The following PRPF19 variants were observed in gnomAD, a reference collection of about 807,000 sequenced individuals.
The protein encoded by PRPF19 is pre-mRNA processing factor 19.
A neutral mutation model predicts 64.2 loss-of-function variants in PRPF19; 2 were observed. The ratio of observed to expected loss-of-function variants is 0.03; its 90% CI spans 0.01 to 0.10. The LOEUF is 0.10. PRPF19 is among the 10% of genes least tolerant of loss of function. The pLI is 1.00. For synonymous variants in PRPF19, 226 were observed against 251.6 expected (o/e 0.90, Z 0.96); for missense variants, 314 against 650.0 (o/e 0.48, Z 5.62).
In PRPF19 at chr11:60,902,711, G is replaced by C. The variant is rs751693883; in HGVS notation, c.388+29C>G. 2 of 1,614,228 alleles carry C rather than the reference G, an allele frequency of 1.2e-6. No individual in the cohort carries two copies. The highest frequency in any genetic ancestry group is 1.7e-6 in the Non-Finnish European group (2 of 1,180,046). ...ATATTACAATGCAGAACCAGCCCAG[G>C]GTGGGGGATGGCAGGGGAGAGGCTG... is the stretch of plus-strand genomic sequence containing the variant. On this transcript the variant is annotated intron_variant, in intron 4 of 15. Coordinates refer to ENST00000227524, the MANE Select transcript of PRPF19 (RefSeq NM_014502.5). The surrounding 1 kb of genome is among the most constrained non-coding windows in gnomAD (Gnocchi z 5.0).
At chr11:60,903,293 C>A (rs1671147849) in intron 3 of PRPF19, among the ~76,000 whole-genome samples, 166 bp downstream of exon 3, 1 of 152,182 alleles carries the variant, frequency 6.6e-6, no homozygotes, top group African/African-American at 2.4e-5. Flanking sequence ...TACTATGTAC[C>A]AGGTGCTGCT....
chr11:60,904,577 T>C (rs2134866799), intron 1 of PRPF19, among the ~76,000 whole-genome samples: 1 of 152,316 alleles, frequency 6.6e-6, no homozygotes, highest in African/African-American at 2.4e-5. Flanking sequence ...TTGGGTTCAA[T>C]TAATTTGCAA....
intron 8 of PRPF19, 53 bp from the exon 9 acceptor site, chr11:60,900,982 A>T: frequency 6.3e-7 from 1 of 1,592,210 alleles, no homozygotes; most frequent in Non-Finnish European, 8.6e-7. Flanking sequence ...AGCAGGCCAC[A>T]AAGCCACAGA....
rs893500603 is a variant in PRPF19 at position 60,901,424 on chromosome 11, G to A, written c.568-55C>T. 71 of 1,613,236 alleles carry A rather than the reference G, an allele frequency of 4.4e-5. No homozygotes were observed. In the Admixed American group the frequency reaches 6.5e-4, roughly 15 times the overall value. On this transcript the variant is annotated intron_variant, in intron 7 of 15. Transcript: ENST00000227524. ...GCAGCAATGAATCCAAGATTCAGCC[G>A]CCCTCTCTCTCCTAAGGAGTCAACC...
chr11:60,891,391 T>A (rs1268661566), intron 15 of PRPF19, 128 bp from the exon 16 acceptor site: 2 of 714,132 alleles, frequency 2.8e-6, no homozygotes, highest in Non-Finnish European at 4.8e-6. Context: ...CGCAGGCTCC[T>A]GTTTGTTTTC....
In PRPF19 at chr11:60,902,819, C is replaced by G; in HGVS notation, c.309G>C (p.Leu103=). 2 of 1,614,160 alleles carry G rather than the reference C, an allele frequency of 1.2e-6. No individual in the cohort carries two copies. The highest frequency in any genetic ancestry group is 1.7e-5 in the Admixed American group (1 of 60,022). Residue 103 remains leucine (L), a synonymous_variant, in exon 4 of 16, where the codon CTG becomes CTC. Coordinates refer to ENST00000227524, the MANE Select transcript of PRPF19 (RefSeq NM_014502.5). The surrounding 1 kb of genome is among the most constrained non-coding windows in gnomAD (Gnocchi z 5.0). ...CATCGTGCTGGTACAGAGCGTGTGA[C>G]AGCTCTTGGCGGGTTGTCTGCAGCT... ...RQQLQTTRQE[L]SHALYQHDAA... is the part of the protein sequence containing the mutation.
Position 60,906,346 on chromosome 11 carries a change from G to A in PRPF19, c.19+18C>T, listed in dbSNP as rs769876985. 1.6e-5 allele frequency: 25 copies of A among 1,598,060 alleles called. No homozygotes were observed. In the South Asian group the frequency reaches 2.4e-4, roughly 15 times the overall value. On this transcript the variant is annotated intron_variant, in intron 1 of 15. Coordinates refer to ENST00000227524, the MANE Select transcript of PRPF19 (RefSeq NM_014502.5). ...TCTGGCCTCCTGAGACCCGCGCTTG[G>A]CCGCAGCCAACACTCACTGGAGCAG...
In PRPF19 at chr11:60,890,934, G is replaced by C; in HGVS notation, c.*232C>G. The C allele has an allele frequency of 1.7e-6, 1 of 605,914 alleles. No individual in the cohort carries two copies. The highest frequency in any genetic ancestry group is 3.0e-6 in the Non-Finnish European group (1 of 329,756). 37.5% of individuals were successfully genotyped at this position (605,914 alleles called of 1,614,324 possible). A position where few individuals can be genotyped will look rare whatever the true frequency, so the allele number is the denominator to read the frequency against. On this transcript the variant is annotated 3_prime_UTR_variant, in exon 16 of 16. Transcript: ENST00000227524. ...TGGGCTCCGACCCTGGGCCTTAAGA[G>C]GGTGACAGTTCTTCCTTCCACATCC...
intron 1 of PRPF19, 79 bp downstream of exon 1, chr11:60,906,285 G>A (rs1590610305): frequency 6.6e-7 from 1 of 1,512,732 alleles, no homozygotes; most frequent in East Asian, 2.7e-5. Flanking sequence ...CCCGGCCCGG[G>A]CGCCGCAGCG....
intron 15 of PRPF19, among the ~76,000 whole-genome samples, chr11:60,897,330 A>G (rs2134859744): frequency 6.6e-6 from 1 of 152,380 alleles, no homozygotes; most frequent in Admixed American, 6.5e-5. Context: ...TTATAGCAAT[A>G]GTCTTGGCGT....
At position 60,898,279 on chromosome 11, in the gene PRPF19, G is replaced by A; in HGVS notation, c.1141-8C>T. On this transcript the variant is annotated splice_region_variant and splice_polypyrimidine_tract_variant and intron_variant, in intron 13 of 15. Coordinates refer to ENST00000227524, the MANE Select transcript of PRPF19 (RefSeq NM_014502.5). The surrounding 1 kb of genome is among the most constrained non-coding windows in gnomAD (Gnocchi z 4.6). ...GGCCACATTAGTACGTTCCTACAGT[G>A]GCGGTGGGTAGTAAAATACGTCACC... 4 of 1,612,132 alleles carry A rather than the reference G, an allele frequency of 2.5e-6. No individual in the cohort carries two copies. The highest frequency in any genetic ancestry group is 3.4e-6 in the Non-Finnish European group (4 of 1,179,560).
At position 60,898,728 on chromosome 11, in the gene PRPF19, CA is replaced by C. The variant is rs1415365944; in HGVS notation, c.1055-103del. ...TGTTCTTCACATTCCTCAGTGAACC[CA>C]GCACAAAGCCCGCACTAGACAGGTG... is the stretch of plus-strand genomic sequence containing the variant. On this transcript the variant is annotated intron_variant, in intron 12 of 15. Coordinates refer to ENST00000227524, the MANE Select transcript of PRPF19 (RefSeq NM_014502.5). This position sits in a 1 kb window ranked among gnomAD's most constrained non-coding sequence, Gnocchi z 4.6. 1.9e-6 allele frequency: 3 copies of C among 1,582,950 alleles called. No homozygotes were observed. Among genetic ancestry groups the C allele is most frequent in the Non-Finnish European group, 2.6e-6 (3 of 1,162,708 alleles).
At position 60,902,199 on chromosome 11, in the gene PRPF19, C is replaced by T. The variant is rs1006073145; in HGVS notation, c.525+204G>A. 6.6e-6 allele frequency among the ~76,000 whole-genome samples: 1 copy of T among 152,112 alleles called. No individual in the cohort carries two copies. The highest frequency in any genetic ancestry group is 1.5e-5 in the Non-Finnish European group (1 of 68,020). On this transcript the variant is annotated intron_variant, in intron 6 of 15. Coordinates refer to ENST00000227524, the MANE Select transcript of PRPF19 (RefSeq NM_014502.5). The surrounding 1 kb of genome is among the most constrained non-coding windows in gnomAD (Gnocchi z 5.0). ...GTTTAGAAGCTAGGGAAATGAGACA[C>T]GTAAGGGTTGGCTAAGTAAGCCAAG...
In PRPF19 at chr11:60,898,394, C is replaced by T. The variant is rs1855944791; in HGVS notation, c.1141-123G>A. 2.0e-6 allele frequency: 3 copies of T among 1,508,760 alleles called. No homozygotes were observed. Among genetic ancestry groups the T allele is most frequent in the Non-Finnish European group, 1.8e-6 (2 of 1,120,318 alleles). 93.5% of individuals were successfully genotyped at this position (1,508,760 alleles called of 1,614,324 possible). ...TTCCAGGAAGGACAGCCAGCGGGAC[C>T]CCCCAGACCACACCATCATATCACA... On this transcript the variant is annotated intron_variant, in intron 13 of 15. Transcript: ENST00000227524. This position sits in a 1 kb window ranked among gnomAD's most constrained non-coding sequence, Gnocchi z 4.6.
At position 60,906,429 on chromosome 11, in the gene PRPF19, T is replaced by C; in HGVS notation, c.-47A>G. Reference sequence around the variant, plus strand: ...GGCGCCACACGCCGGGCTCCGGGACTAGCTTCTGAGCCTCCGCGAGCCACT... The same window carrying C: ...GGCGCCACACGCCGGGCTCCGGGACCAGCTTCTGAGCCTCCGCGAGCCACT... On this transcript the variant is annotated 5_prime_UTR_variant, in exon 1 of 16. Transcript: ENST00000227524. 6.6e-7 allele frequency: 1 copy of C among 1,525,892 alleles called. No individual in the cohort carries two copies. Among genetic ancestry groups the C allele is most frequent in the Non-Finnish European group, 8.8e-7 (1 of 1,136,494 alleles). The allele number at this position is 1,525,892 out of a possible 1,614,324, so 94.5% of individuals were successfully genotyped here.
In PRPF19 at chr11:60,903,815, A is replaced by T. The variant is rs769869900; in HGVS notation, c.66T>A (p.Asn22Lys). Residue 22 changes from asparagine to lysine, a missense_variant, in exon 2 of 16, where the codon AAT becomes AAA. By Grantham distance (94) the Asn-to-Lys change is moderately conservative. Transcript: ENST00000227524. ...PEHPCVSPVS[N>K]HVYERRLIEK... Reference sequence around the variant, plus strand: ...CGATGAGCCGCCGCTCATAAACATGATTAGAGACAGGGGATACACATGGGT... The same window carrying T: ...CGATGAGCCGCCGCTCATAAACATGTTTAGAGACAGGGGATACACATGGGT... 3.5e-5 allele frequency: 56 copies of T among 1,608,416 alleles called. 1 individual carries two copies. The South Asian group carries it at 6.1e-4, about 17-fold the overall frequency.
At chr11:60,901,677 G>T in intron 6 of PRPF19, 137 bp from the exon 7 acceptor site, 1 of 965,664 alleles carries the variant, frequency 1.0e-6, no homozygotes, top group African/African-American at 1.6e-5. Flanking sequence ...AGGCTTAAAG[G>T]CATTCTCTCT....
Position 60,890,582 on chromosome 11 carries a change from A to C in PRPF19, c.*584T>G. The C allele has an allele frequency of 3.9e-6, 1 of 255,254 alleles. No homozygotes were observed. The highest frequency in any genetic ancestry group is 7.4e-6 in the Non-Finnish European group (1 of 135,310). 15.8% of individuals were successfully genotyped at this position (255,254 alleles called of 1,614,324 possible). On this transcript the variant is annotated 3_prime_UTR_variant, in exon 16 of 16. Transcript: ENST00000227524. ...AGATTTGTTTTTATTTCTGCTGTGC[A>C]ATTAAAAAAAAAAAAAAAGGGTAAG...
intron 15 of PRPF19, among the ~76,000 whole-genome samples, chr11:60,894,271 T>G (rs1201984075): frequency 1.3e-5 from 2 of 152,366 alleles, no homozygotes; most frequent in Non-Finnish European, 1.5e-5. Flanking sequence ...ACAGTAGAAC[T>G]TTCAGAACTG....
Sources: allele counts gnomAD v4.1 joint callset (sites outside exome capture counted in the v4.1 genomes callset), GRCh38; gene constraint gnomAD v4.1.1; non-coding constraint Gnocchi (gnomAD v3.1); transcripts MANE v1.5; gene names NCBI Gene and HGNC (gene_info 2026-07-23, HGNC 2026-07-21).